Variants in RBM20 observed in about 807,000 individuals in gnomAD.
RBM20 encodes RNA-binding protein 20.
In RBM20, 51 loss-of-function variants were observed where a neutral mutation model predicts 110.1. The observed-to-expected ratio is 0.46, with a 90% confidence interval of 0.37 to 0.59. RBM20 has a LOEUF of 0.59. Among genes scored for constraint, RBM20 ranks in the 20% least tolerant of loss-of-function variants. RBM20 has a pLI of 0.00. For synonymous variants in RBM20, 589 were observed against 618.2 expected, an observed-to-expected ratio of 0.95 and a Z score of 0.70; for missense variants, 1,512 against 1,574.9, an observed-to-expected ratio of 0.96 and a Z score of 0.68.
At chr10:110,668,757 G>A (rs1466741934) in intron 1 of RBM20, among the ~76,000 whole-genome samples, 1 of 152,080 alleles carries the variant, frequency 6.6e-6, no homozygotes, top group Non-Finnish European at 1.5e-5. Context: ...AGAGGGGAGG[G>A]TAGAGGCAGA....
chr10:110,816,529 C>A (rs1844843235), intron 9 of RBM20, among the ~76,000 whole-genome samples: 1 of 152,120 alleles, frequency 6.6e-6, no homozygotes, highest in African/African-American at 2.4e-5. Context: ...ACCACCTCAA[C>A]ACCTCAACCC....
intron 1 of RBM20, among the ~76,000 whole-genome samples, chr10:110,729,639 A>G (rs1564827672): frequency 6.6e-6 from 1 of 152,186 alleles, no homozygotes; most frequent in Non-Finnish European, 1.5e-5. Context: ...TAGAGGCTCC[A>G]GGGGTGATTC....
At chr10:110,749,376 AG>A (rs752238210) in intron 1 of RBM20, among the ~76,000 whole-genome samples, 3 of 152,256 alleles carry the variant, frequency 2.0e-5, no homozygotes, top group Non-Finnish European at 4.4e-5. Flanking sequence ...ATAGAAAAAA[AG>A]ATACAGTTCA....
chr10:110,706,485 C>T (rs553825701), intron 1 of RBM20, among the ~76,000 whole-genome samples: 58 of 152,300 alleles, frequency 3.8e-4, no homozygotes, highest in African/African-American at 1.3e-3. Flanking sequence ...TTCTGATATC[C>T]GCCAGGAAAT....
intron 12 of RBM20, among the ~76,000 whole-genome samples, chr10:110,826,047 A>C (rs182335021): frequency 6.6e-6 from 1 of 152,248 alleles, no homozygotes; most frequent in Non-Finnish European, 1.5e-5. Context: ...CGTCCTAGCC[A>C]GGGGGTTGTA....
intron 1 of RBM20, among the ~76,000 whole-genome samples, chr10:110,713,127 A>G (rs775242126): frequency 2.0e-5 from 3 of 152,240 alleles, no homozygotes; most frequent in Admixed American, 6.5e-5. Flanking sequence ...ATCACAGAAG[A>G]TAAGTCATTG....
Position 110,821,410 on chromosome 10 carries a change from G to A in RBM20, c.2791G>A (p.Glu931Lys). ...GGAACCAGACATCCCAGAGCTGGAA[G>A]AAATTGTGCCCATTGACCAGAAAGA... ...IVEPDIPELE[E>K]IVPIDQKDKI... Residue 931 changes from glutamate (E) to lysine (K), a missense_variant, in exon 11 of 14, where the codon GAA (glutamate) becomes AAA (lysine). By Grantham distance (56) the Glu-to-Lys change is moderately conservative. Transcript: ENST00000369519. 1 of 1,551,802 alleles carries A rather than the reference G, an allele frequency of 6.4e-7. No individual in the cohort carries two copies. Among genetic ancestry groups the A allele is most frequent in the Non-Finnish European group, 8.7e-7 (1 of 1,147,016 alleles).
intron 1 of RBM20, among the ~76,000 whole-genome samples, chr10:110,758,977 G>A (rs1843958347): frequency 6.6e-6 from 1 of 152,154 alleles, no homozygotes; most frequent in Non-Finnish European, 1.5e-5. Context: ...TGGGCCTCTG[G>A]AGAACCTACA....
In RBM20 at chr10:110,813,094, C is replaced by T. The variant is rs181546453; in HGVS notation, c.2550+147C>T. ...CTAGGCACTGTGCAAGACACTTTAT[C>T]TCAATGAACTCATTTAATCCTCACA... On this transcript the variant is annotated intron_variant, in intron 9 of 13. Coordinates refer to ENST00000369519, the MANE Select transcript of RBM20 (RefSeq NM_001134363.3). 2.7e-3 allele frequency: 1,575 copies of T among 590,320 alleles called. 5 individuals are homozygous for T. The highest frequency in any genetic ancestry group is 4.0e-3 in the Non-Finnish European group (1,444 of 363,818). 36.6% of individuals were successfully genotyped at this position (590,320 alleles called of 1,614,324 possible).
At chr10:110,712,434 G>A (rs1006719099) in intron 1 of RBM20, among the ~76,000 whole-genome samples, 11 of 152,190 alleles carry the variant, frequency 7.2e-5, no homozygotes, top group African/African-American at 2.2e-4. Flanking sequence ...GAGGAGGTTG[G>A]CTAGAATATT....
intron 7 of RBM20, among the ~76,000 whole-genome samples, chr10:110,809,208 C>T (rs1417754376): frequency 7.3e-5 from 1 of 13,754 alleles, no homozygotes; most frequent in Non-Finnish European, 2.6e-4. Flanking sequence ...CAGAGCAAGA[C>T]CCCGTTTCTT....
At chr10:110,777,227 A>G (rs907826848) in intron 1 of RBM20, among the ~76,000 whole-genome samples, 2 of 152,210 alleles carry the variant, frequency 1.3e-5, no homozygotes, top group African/African-American at 4.8e-5. Context: ...TTTTTAACCC[A>G]AGGCACAGGA....
At position 110,821,241 on chromosome 10, in the gene RBM20, C is replaced by T. The variant is rs1334590256; in HGVS notation, c.2656-34C>T. 6 of 1,533,536 alleles carry T rather than the reference C, an allele frequency of 3.9e-6. No individual in the cohort carries two copies. In the East Asian group the frequency reaches 1.2e-4, roughly 31 times the overall value. The allele number at this position is 1,533,536 out of a possible 1,614,324, so 95.0% of individuals were successfully genotyped here. On this transcript the variant is annotated intron_variant, in intron 10 of 13. Transcript: ENST00000369519. ...TGCCTTCCAGTTGAATGCTCTCAAC[C>T]ACCCTCTGACCTCCATTCTGCATTT...
At chr10:110,784,190 G>T in intron 3 of RBM20, 151 bp from the exon 4 acceptor site, 1 of 602,442 alleles carries the variant, frequency 1.7e-6, no homozygotes, top group Admixed American at 2.5e-5. Flanking sequence ...ATTGTGAATA[G>T]GGCTGCTAGG....
At chr10:110,688,929 G>GT (rs5787866) in intron 1 of RBM20, among the ~76,000 whole-genome samples, 1,992 of 141,232 alleles carry the variant, frequency 0.014, 10 homozygotes, top group South Asian at 0.025. Context: ...TGTCTTTCCT[G>GT]TTTTTTTTTT....
chr10:110,677,804 T>G (rs1300591125), intron 1 of RBM20, among the ~76,000 whole-genome samples: 1 of 152,226 alleles, frequency 6.6e-6, no homozygotes, highest in African/African-American at 2.4e-5. Context: ...GTCTTCATGT[T>G]GTAGACATCT....
At chr10:110,703,288 C>T (rs1195717468) in intron 1 of RBM20, among the ~76,000 whole-genome samples, 1 of 150,902 alleles carries the variant, frequency 6.6e-6, no homozygotes, top group African/African-American at 2.4e-5. Flanking sequence ...TGAGGCAGGA[C>T]AATCGCTTGA....
chr10:110,678,315 A>G (rs369173176), intron 1 of RBM20, among the ~76,000 whole-genome samples: 6 of 152,252 alleles, frequency 3.9e-5, no homozygotes, highest in South Asian at 2.1e-4. Context: ...TTACTTTGCC[A>G]TTAAGTGGCT....
At chr10:110,729,114 G>A (rs1843594137) in intron 1 of RBM20, among the ~76,000 whole-genome samples, 1 of 152,184 alleles carries the variant, frequency 6.6e-6, no homozygotes, top group Non-Finnish European at 1.5e-5. Context: ...CAAGCGTTCT[G>A]CTAGGTGTAT....
Sources: allele counts gnomAD v4.1 joint callset (sites outside exome capture counted in the v4.1 genomes callset), GRCh38; gene constraint gnomAD v4.1.1; transcripts MANE v1.5; gene names NCBI Gene and HGNC (gene_info 2026-07-23, HGNC 2026-07-21).